The following GNB4 variants were observed in gnomAD, a reference collection of about 807,000 sequenced individuals.
GNB4 encodes the protein guanine nucleotide-binding protein subunit beta-4.
A neutral mutation model predicts 45.2 loss-of-function variants in GNB4; 28 were observed. That is an observed-to-expected ratio of 0.62 (90% CI 0.46 to 0.85). The LOEUF (loss-of-function observed/expected upper bound fraction) is 0.85. GNB4 is among the 40% of genes least tolerant of loss of function. The pLI, the probability that GNB4 is intolerant of heterozygous loss-of-function variation, is 0.00. For missense variants in GNB4, 321 were observed against 425.4 expected, an observed-to-expected ratio of 0.75 and a Z score of 2.16; for synonymous variants, 132 against 143.7, an observed-to-expected ratio of 0.92 and a Z score of 0.58.
At chr3:179,505,850 A>T in the GNB4 span, among the ~76,000 whole-genome samples, 1 of 152,246 alleles carries the variant, frequency 6.6e-6, no homozygotes. Context: ...TGAAGAGCAC[A>T]TGAAGCTGAT....
the GNB4 span, among the ~76,000 whole-genome samples, chr3:179,487,662 A>G: frequency 6.6e-6 from 1 of 152,182 alleles, no homozygotes; most frequent in Non-Finnish European, 1.5e-5. Context: ...AAAATAAACT[A>G]TGTTCTAACT....
intron 9 of GNB4, among the ~76,000 whole-genome samples, chr3:179,403,608 C>T (rs1049482008): frequency 3.9e-5 from 6 of 152,064 alleles, no homozygotes; most frequent in Non-Finnish European, 8.8e-5. Context: ...GCCTGACCAA[C>T]ATGGTGAAAC....
the GNB4 span, among the ~76,000 whole-genome samples, chr3:179,520,079 T>TCCCTC: frequency 8.8e-5 from 13 of 148,066 alleles, no homozygotes; most frequent in East Asian, 4.0e-4. Flanking sequence ...ATGCCTCCCT[T>TCCCTC]CACAACCCAT....
At chr3:179,419,250 A>C (rs1360818721) in intron 4 of GNB4, 149 bp downstream of exon 4, 2 of 644,890 alleles carry the variant, frequency 3.1e-6, no homozygotes, top group Admixed American at 5.8e-5. Flanking sequence ...TAATATTCTT[A>C]TTGAAAGCAG....
intron 5 of GNB4, among the ~76,000 whole-genome samples, chr3:179,415,691 G>A (rs904758846): frequency 9.9e-5 from 15 of 152,124 alleles, no homozygotes; most frequent in African/African-American, 3.4e-4. Flanking sequence ...GAATCAACAC[G>A]TGGCAGGATT....
Position 179,399,271 on chromosome 3 carries a change from CG to C in GNB4, c.*1941del, listed in dbSNP as rs2108572828. Reference sequence around the variant, plus strand: ...AGGCTGGAGTGCAGTGGCACAATCTCGGCTCACTGCAACCTCTGCCTCCCGG... The same window carrying C: ...AGGCTGGAGTGCAGTGGCACAATCTCGCTCACTGCAACCTCTGCCTCCCGG... On this transcript the variant is annotated 3_prime_UTR_variant, in exon 10 of 10. Transcript: ENST00000232564. 1 of 152,134 alleles carries C rather than the reference CG, an allele frequency of 6.6e-6. No individual in the cohort carries two copies. Among genetic ancestry groups the C allele is most frequent in the South Asian group, 2.1e-4 (1 of 4,812 alleles). The allele number at this position is 152,134 out of a possible 1,614,324, so 9.4% of individuals were successfully genotyped here.
chr3:179,459,610 A>G, the GNB4 span, among the ~76,000 whole-genome samples: 1 of 151,794 alleles, frequency 6.6e-6, no homozygotes, highest in African/African-American at 2.4e-5. Flanking sequence ...TGAACCTGGG[A>G]GGCAGAGGAT....
the GNB4 span, among the ~76,000 whole-genome samples, chr3:179,499,158 T>A: frequency 1.5e-5 from 1 of 65,332 alleles, no homozygotes; most frequent in African/African-American, 4.3e-5. Context: ...ACATTTTCTT[T>A]TTTTTTTTTT....
At chr3:179,486,341 G>C in the GNB4 span, among the ~76,000 whole-genome samples, 1 of 151,188 alleles carries the variant, frequency 6.6e-6, no homozygotes, top group East Asian at 1.9e-4. Flanking sequence ...GAGTTTATTT[G>C]CTTAATAAAT....
chr3:179,480,858 T>C, the GNB4 span, among the ~76,000 whole-genome samples: 2 of 149,764 alleles, frequency 1.3e-5, no homozygotes, highest in Admixed American at 6.6e-5. Flanking sequence ...TTTTTTCTTT[T>C]TTTTTTTTTT....
chr3:179,481,434 C>A, the GNB4 span, among the ~76,000 whole-genome samples: 1 of 152,166 alleles, frequency 6.6e-6, no homozygotes, highest in Admixed American at 6.5e-5. Flanking sequence ...CTCAGCCTCC[C>A]AAAGTGCTGA....
At chr3:179,433,333 T>C (rs1451031276) in intron 1 of GNB4, among the ~76,000 whole-genome samples, 1 of 152,240 alleles carries the variant, frequency 6.6e-6, no homozygotes, top group Admixed American at 6.5e-5. Context: ...AACAGTTCAA[T>C]GACCAGCTGT....
intron 8 of GNB4, among the ~76,000 whole-genome samples, chr3:179,412,272 G>A (rs1012512425): frequency 1.3e-5 from 2 of 151,694 alleles, no homozygotes; most frequent in African/African-American, 4.9e-5. Flanking sequence ...TTCAAGAGCA[G>A]CCTGGGCAAC....
At chr3:179,496,995 C>A in the GNB4 span, among the ~76,000 whole-genome samples, 1 of 152,058 alleles carries the variant, frequency 6.6e-6, no homozygotes, top group East Asian at 1.9e-4. Context: ...ACCTAAAAGA[C>A]ATGATTTTTA....
At chr3:179,513,421 T>A in the GNB4 span, among the ~76,000 whole-genome samples, 2 of 152,178 alleles carry the variant, frequency 1.3e-5, no homozygotes, top group African/African-American at 4.8e-5. Context: ...TGGGCTCAAG[T>A]GATCCTCTTG....
rs539521230 is a variant in GNB4, at chr3:179,406,890, C to T, written c.700-1484G>A. Among the ~76,000 whole-genome samples, 33 of 152,220 alleles carry T rather than the reference C, an allele frequency of 2.2e-4. No individual in the cohort carries two copies. In the East Asian group the frequency reaches 3.9e-3, roughly 18 times the overall value. ...TCAGCCTCCCAAAGTACTGAGATTA[C>T]GGGCATAAGCCACAGCGCCTGGCCC... On this transcript the variant is annotated intron_variant, in intron 8 of 9. Coordinates refer to ENST00000232564, the MANE Select transcript of GNB4 (RefSeq NM_021629.4).
chr3:179,404,220 C>T (rs13087067), intron 9 of GNB4, among the ~76,000 whole-genome samples: 17,812 of 152,110 alleles, frequency 0.12, 1,184 homozygotes, highest in Non-Finnish European at 0.15. Context: ...TTTAAAAAGT[C>T]GGAATTATGT....
chr3:179,435,667 G>GT (rs1264542211), intron 1 of GNB4, among the ~76,000 whole-genome samples: 1 of 152,042 alleles, frequency 6.6e-6, no homozygotes, highest in East Asian at 1.9e-4. Flanking sequence ...TTTTGTTACC[G>GT]TAACTTCTTG....
rs1390285972 is a variant in GNB4 at position 179,399,469 on chromosome 3, C to G, written c.*1744G>C. Reference sequence around the variant, plus strand: ...CTGCCCACCTTGGCCTCCCAAATTGCTGGGATTATAGGTGTAAGCCACTCT... The same window carrying G: ...CTGCCCACCTTGGCCTCCCAAATTGGTGGGATTATAGGTGTAAGCCACTCT... On this transcript the variant is annotated 3_prime_UTR_variant, in exon 10 of 10. Transcript: ENST00000232564. The G allele has an allele frequency of 6.6e-6, 1 of 152,168 alleles. No homozygotes were observed. Among genetic ancestry groups the G allele is most frequent in the African/African-American group, 2.4e-5 (1 of 41,438 alleles). 9.4% of individuals were successfully genotyped at this position (152,168 alleles called of 1,614,324 possible).
Sources: allele counts gnomAD v4.1 joint callset (sites outside exome capture counted in the v4.1 genomes callset), GRCh38; gene constraint gnomAD v4.1.1; transcripts MANE v1.5; gene names NCBI Gene and HGNC (gene_info 2026-07-23, HGNC 2026-07-21).